ZNF232: variants seen among roughly 807,000 people sequenced by gnomAD.
The protein encoded by ZNF232 is zinc finger and SCAN domain-containing protein 11.
ZNF232 carries 25 observed loss-of-function variants against 25.2 expected under a neutral mutation model. That is an observed-to-expected ratio of 0.99 (90% CI 0.72 to 1.39). ZNF232 has a LOEUF of 1.39. Ranked by LOEUF, ZNF232 falls within the 40% of genes most tolerant of loss-of-function variation. ZNF232 has a pLI of 0.00. For synonymous variants in ZNF232, 193 were observed against 182.9 expected (o/e 1.06, Z -0.45); for missense variants, 519 against 520.9 (o/e 1.00, Z 0.04).
upstream of ZNF232, chr17:5,114,068 C>A (rs1361118575): frequency 6.6e-6 from 1 of 152,068 alleles, no homozygotes; most frequent in Non-Finnish European, 1.5e-5. Flanking sequence ...AGGAAGCTTA[C>A]AATTTTCCAA....
Position 5,122,629 on chromosome 17 carries a change from G to T in ZNF232, c.-530+348C>A, listed in dbSNP as rs531496044. Among the ~76,000 whole-genome samples, 15 of 152,240 alleles carry T rather than the reference G, an allele frequency of 9.9e-5. No individual in the cohort carries two copies. The South Asian group carries it at 2.5e-3, about 25-fold the overall frequency. On this transcript the variant is annotated intron_variant, in intron 1 of 4. Transcript: ENST00000250076. ...CTCCGCTGCGGGGCCCTCCCGGAACGGCCGGCTGCAACGCGTGTCTCCCCT... is the reference window on the plus strand; with the variant it reads ...CTCCGCTGCGGGGCCCTCCCGGAACTGCCGGCTGCAACGCGTGTCTCCCCT...
rs1379573359 is a variant in ZNF232 at position 5,108,926 on chromosome 17, C to T, written c.625G>A (p.Val209Ile). ...CTCCCCACAGAATCCTGCTCCTCAC[C>T]ACTCTTTGGGAAAGGCTGGGTCTCC... The change falls in exon 3 of 4, where the codon GTT (valine) becomes ATT (isoleucine). Residue 209 changes from valine (V) to isoleucine (I), a missense_variant and splice_region_variant. Val to Ile is a conservative substitution (Grantham distance 29, BLOSUM62 3). Transcript: ENST00000575898. 3 of 1,613,970 alleles carry T rather than the reference C, an allele frequency of 1.9e-6. No homozygotes were observed. In the Admixed American group the frequency reaches 5.0e-5, roughly 27 times the overall value.
intron 2 of ZNF232, 149 bp downstream of exon 2, chr17:5,109,245 G>A (rs140203696): frequency 2.4e-6 from 3 of 1,251,422 alleles, no homozygotes; most frequent in Middle Eastern, 3.7e-4. Context: ...GGGCTCGAGG[G>A]CAGAAAAGAC....
chr17:5,115,464 CA>C (rs1567761824), upstream of ZNF232, among the ~76,000 whole-genome samples: 1 of 151,878 alleles, frequency 6.6e-6, no homozygotes. Context: ...GGCGGGACAA[CA>C]GCTTTAACCC....
chr17:5,118,927 G>A (rs192176592), intron 1 of ZNF232, among the ~76,000 whole-genome samples: 2 of 152,284 alleles, frequency 1.3e-5, no homozygotes, highest in African/African-American at 4.8e-5. Context: ...ACATTTGATT[G>A]GTAAGAAGAC....
At position 5,105,735 on chromosome 17, in the gene ZNF232, C is replaced by G. The variant is rs766777851; in HGVS notation, c.*89G>C. On this transcript the variant is annotated 3_prime_UTR_variant, in exon 4 of 4. Transcript: ENST00000575898. ...AAATCAAGAAAGACACAGGAAAAAT[C>G]TTAAGGAACTTATAACTTTTATGGG... is the stretch of plus-strand genomic sequence containing the variant. 4.2e-5 allele frequency: 54 copies of G among 1,288,066 alleles called. No homozygotes were observed. The highest frequency in any genetic ancestry group is 5.7e-5 in the Non-Finnish European group (54 of 946,760). The allele number at this position is 1,288,066 out of a possible 1,614,324, so 79.8% of individuals were successfully genotyped here.
intron 1 of ZNF232, chr17:5,120,841 T>A: frequency 2.2e-6 from 1 of 454,338 alleles, no homozygotes; most frequent in Non-Finnish European, 4.4e-6. Flanking sequence ...ATGTGCTGCA[T>A]GCTGGTGCAG....
intron 1 of ZNF232, among the ~76,000 whole-genome samples, chr17:5,117,189 C>T (rs1035484056): frequency 6.6e-6 from 1 of 152,134 alleles, no homozygotes; most frequent in African/African-American, 2.4e-5. Flanking sequence ...TTATGCTCAC[C>T]CTGCTTTGTA....
chr17:5,118,448 G>A (rs565923074), intron 1 of ZNF232, among the ~76,000 whole-genome samples: 22 of 152,364 alleles, frequency 1.4e-4, no homozygotes, highest in Admixed American at 1.0e-3. Context: ...TGGGGTCTGC[G>A]GTGCTGCCCA....
At chr17:5,112,262 C>T, upstream of ZNF232, 1 of 204,808 alleles carries the variant, frequency 4.9e-6, no homozygotes, top group Non-Finnish European at 9.9e-6. Context: ...TTTCCAATTA[C>T]CTCTTCCCAG....
At position 5,109,265 on chromosome 17, in the gene ZNF232, AAC is replaced by A. The variant is rs1319651646; in HGVS notation, c.498+127_498+128del. On this transcript the variant is annotated intron_variant, in intron 2 of 3. Transcript: ENST00000575898. The stretch of plus-strand genomic sequence containing the variant: ...CGAGGGCAGAAAAGACAGACACAGA[AAC>A]ACATACTAACTGCTCTACCTGGCCC... The A allele has an allele frequency of 3.9e-6, 5 of 1,269,124 alleles. No individual in the cohort carries two copies. In the Admixed American group the frequency reaches 8.9e-5, roughly 22 times the overall value. 78.6% of individuals were successfully genotyped at this position (1,269,124 alleles called of 1,614,324 possible).
At chr17:5,119,287 T>C (rs2072599446) in intron 1 of ZNF232, among the ~76,000 whole-genome samples, 1 of 152,240 alleles carries the variant, frequency 6.6e-6, no homozygotes, top group African/African-American at 2.4e-5. Flanking sequence ...CAAAGTAGAC[T>C]GCTCCCTAAC....
intron 1 of ZNF232, chr17:5,111,152 G>A (rs138617759): frequency 6.6e-6 from 1 of 152,350 alleles, no homozygotes; most frequent in Non-Finnish European, 1.5e-5. Context: ...GGTGAAGCTC[G>A]GCTGTTCGTT....
At chr17:5,109,302 T>C in intron 2 of ZNF232, 92 bp downstream of exon 2, 3 of 1,505,184 alleles carry the variant, frequency 2.0e-6, no homozygotes, top group South Asian at 2.3e-5. Flanking sequence ...CAAGAGAGGT[T>C]TGAACTTGGC....
intron 3 of ZNF232, 80 bp downstream of exon 3, chr17:5,108,846 T>A: frequency 1.3e-6 from 2 of 1,599,250 alleles, no homozygotes; most frequent in Non-Finnish European, 1.7e-6. Flanking sequence ...TACTACTATT[T>A]ACCCTTTACA....
At chr17:5,115,555 A>AACAC (rs61171102), upstream of ZNF232, among the ~76,000 whole-genome samples, 308 of 148,764 alleles carry the variant, frequency 2.1e-3, 1 homozygote, top group South Asian at 3.1e-3. Flanking sequence ...CGTCTCCAAA[A>AACAC]ACACACACAC....
At chr17:5,120,556 GA>G (rs2143706229) in intron 1 of ZNF232, 7 of 352,416 alleles carry the variant, frequency 2.0e-5, no homozygotes, top group South Asian at 1.5e-4. Flanking sequence ...CTCTCCGAGG[GA>G]AAGAAGGCAG....
intron 3 of ZNF232, 132 bp downstream of exon 3, chr17:5,108,794 T>C: frequency 7.1e-7 from 1 of 1,411,004 alleles, no homozygotes; most frequent in East Asian, 2.4e-5. Flanking sequence ...ACCTAAGAGA[T>C]AAGAATAGTA....
chr17:5,111,567 A>G, intron 1 of ZNF232: 2 of 629,482 alleles, frequency 3.2e-6, no homozygotes, highest in Non-Finnish European at 5.4e-6. Flanking sequence ...TTCACTCCCT[A>G]CCCAAGGGTC....
Sources: allele counts gnomAD v4.1 joint callset (sites outside exome capture counted in the v4.1 genomes callset), GRCh38; gene constraint gnomAD v4.1.1; transcripts MANE v1.5; gene names NCBI Gene and HGNC (gene_info 2026-07-23, HGNC 2026-07-21).